RASAL2: variants seen among roughly 807,000 people sequenced by gnomAD.
RASAL2 encodes RAS protein activator like 2.
Under a neutral mutation model 128.9 loss-of-function variants are expected in RASAL2, and 58 were observed. The observed-to-expected ratio is 0.45, with a 90% CI of 0.36 to 0.56. The LOEUF (loss-of-function observed/expected upper bound fraction) is 0.56, where lower values mean the gene tolerates loss of function less well. Among genes scored for constraint, RASAL2 ranks in the 20% least tolerant of loss-of-function variants. RASAL2 has a pLI of 0.00. For missense variants in RASAL2, 1,360 were observed against 1,601.6 expected, an observed-to-expected ratio of 0.85 and a Z score of 2.57; for synonymous variants, 561 against 580.8, an observed-to-expected ratio of 0.97 and a Z score of 0.49.
At chr1:178,098,301 A>T (rs750102488) in intron 1 of RASAL2, among the ~76,000 whole-genome samples, 1 of 152,240 alleles carries the variant, frequency 6.6e-6, no homozygotes, top group Non-Finnish European at 1.5e-5. Context: ...TGGGTGGTAG[A>T]GTAGCTTAAA....
chr1:178,164,823 T>G (rs898970417), intron 1 of RASAL2, among the ~76,000 whole-genome samples: 20 of 131,898 alleles, frequency 1.5e-4, no homozygotes, highest in Admixed American at 1.1e-3. Flanking sequence ...CATCAAACGT[T>G]TGTGTGTGTG....
At chr1:178,209,072 T>C (rs2101981653) in intron 1 of RASAL2, among the ~76,000 whole-genome samples, 1 of 152,294 alleles carries the variant, frequency 6.6e-6, no homozygotes, top group South Asian at 2.1e-4. Context: ...AATTGTCTTT[T>C]TGTATTGTCT....
At chr1:178,159,226 T>A (rs1411875485) in intron 1 of RASAL2, among the ~76,000 whole-genome samples, 1 of 152,256 alleles carries the variant, frequency 6.6e-6, no homozygotes, top group African/African-American at 2.4e-5. Flanking sequence ...TTTGAATTCT[T>A]TATCTTTTCA....
intron 9 of RASAL2, among the ~76,000 whole-genome samples, chr1:178,446,352 A>T (rs1676996872): frequency 6.6e-6 from 1 of 152,240 alleles, no homozygotes; most frequent in African/African-American, 2.4e-5. Flanking sequence ...ACTGTCCGAT[A>T]GAAATATGAC....
chr1:178,095,186 A>G (rs1658628145), intron 1 of RASAL2, among the ~76,000 whole-genome samples: 1 of 152,048 alleles, frequency 6.6e-6, no homozygotes, highest in Admixed American at 6.6e-5. Context: ...CCTGAACCTC[A>G]CTCTCTCTAA....
At chr1:178,165,992 A>T (rs975957198) in intron 1 of RASAL2, among the ~76,000 whole-genome samples, 5 of 152,098 alleles carry the variant, frequency 3.3e-5, no homozygotes, top group Admixed American at 2.0e-4. Context: ...ACGTATGTGC[A>T]CATACATACT....
chr1:178,325,320 G>A (rs1029014653), intron 3 of RASAL2, among the ~76,000 whole-genome samples: 3 of 152,154 alleles, frequency 2.0e-5, no homozygotes, highest in Non-Finnish European at 2.9e-5. Context: ...TAGTAATAGA[G>A]GAAAGATAAT....
At chr1:178,303,413 C>G (rs1179982748) in intron 3 of RASAL2, among the ~76,000 whole-genome samples, 2 of 151,720 alleles carry the variant, frequency 1.3e-5, no homozygotes, top group Non-Finnish European at 2.9e-5. Context: ...GAAGAATTGT[C>G]TTGGACCACA....
At chr1:178,344,460 A>G (rs1670042728) in intron 3 of RASAL2, among the ~76,000 whole-genome samples, 2 of 152,158 alleles carry the variant, frequency 1.3e-5, no homozygotes, top group South Asian at 4.1e-4. Context: ...TTAATTCTTT[A>G]CTCATGAAAG....
At chr1:178,399,755 C>T (rs1673494881) in intron 4 of RASAL2, among the ~76,000 whole-genome samples, 1 of 152,188 alleles carries the variant, frequency 6.6e-6, no homozygotes, top group Admixed American at 6.5e-5. Flanking sequence ...AACAGTACTA[C>T]TCCCAGCTTT....
At chr1:178,175,705 G>T (rs771117027) in intron 1 of RASAL2, among the ~76,000 whole-genome samples, 1 of 149,840 alleles carries the variant, frequency 6.7e-6, no homozygotes, top group Non-Finnish European at 1.5e-5. Context: ...CCCAACCTCC[G>T]CCTTCTGAGT....
intron 1 of RASAL2, among the ~76,000 whole-genome samples, chr1:178,169,328 G>A (rs184841068): frequency 3.3e-5 from 5 of 152,088 alleles, no homozygotes; most frequent in East Asian, 3.9e-4. Context: ...GCGACACTTC[G>A]TATTAGAAGA....
chr1:178,298,979 C>T (rs771669793), intron 2 of RASAL2, among the ~76,000 whole-genome samples: 12 of 151,350 alleles, frequency 7.9e-5, no homozygotes, highest in Non-Finnish European at 1.6e-4. Flanking sequence ...ACATTGATAA[C>T]CTGCTTTGTA....
chr1:178,457,165 G>C (rs1677835207), intron 13 of RASAL2, among the ~76,000 whole-genome samples: 1 of 152,134 alleles, frequency 6.6e-6, no homozygotes, highest in African/African-American at 2.4e-5. Flanking sequence ...AAGACTAAAG[G>C]CTTTATGAAA....
At chr1:178,388,992 GAC>G (rs1672740164) in intron 3 of RASAL2, among the ~76,000 whole-genome samples, 1 of 152,094 alleles carries the variant, frequency 6.6e-6, no homozygotes, top group Non-Finnish European at 1.5e-5. Flanking sequence ...GGAAGAGCAA[GAC>G]ACAGAGAGGG....
At chr1:178,377,851 G>A (rs533208822) in intron 3 of RASAL2, among the ~76,000 whole-genome samples, 2 of 152,084 alleles carry the variant, frequency 1.3e-5, no homozygotes, top group Admixed American at 6.5e-5. Context: ...GATAGAAATC[G>A]TGATTAACTT....
Position 178,441,533 on chromosome 1 carries a change from A to G in RASAL2, c.829-16A>G, listed in dbSNP as rs900669306. On this transcript the variant is annotated splice_polypyrimidine_tract_variant and intron_variant, in intron 6 of 17. Transcript: ENST00000367649. ...CCAGTGTTTTCTTTTTCTTATGTCT[A>G]ATTTTTATGTTGAAGGTTACCTACT... 1 of 1,597,770 alleles carries G rather than the reference A, an allele frequency of 6.3e-7. No homozygotes were observed. The highest frequency in any genetic ancestry group is 8.6e-7 in the Non-Finnish European group (1 of 1,166,328).
At chr1:178,233,057 C>CA in intron 1 of RASAL2, among the ~76,000 whole-genome samples, 1 of 152,286 alleles carries the variant, frequency 6.6e-6, no homozygotes, top group Non-Finnish European at 1.5e-5. Flanking sequence ...TACTTTGCTT[C>CA]AGGCAAGAGG....
At chr1:178,250,013 C>T (rs575637389) in intron 1 of RASAL2, among the ~76,000 whole-genome samples, 22 of 152,292 alleles carry the variant, frequency 1.4e-4, no homozygotes, top group Middle Eastern at 3.4e-3. Flanking sequence ...TGTGAGGTCT[C>T]TCCCACTCAG....
Sources: gnomAD v4.1 joint callset for allele counts (sites outside exome capture counted in the v4.1 genomes callset) on GRCh38, gnomAD v4.1.1 for gene constraint, MANE v1.5 for transcripts, NCBI Gene and HGNC (gene_info 2026-07-23, HGNC 2026-07-21) for gene names.